The following GNLY variants were observed in gnomAD, a reference collection of about 807,000 sequenced individuals.
GNLY encodes the protein T-cell activation protein 519.
GNLY carries 15 observed loss-of-function variants against 18.5 expected under a neutral mutation model. That is an observed-to-expected ratio of 0.81 (90% CI 0.54 to 1.25). GNLY has a LOEUF of 1.25. Among genes scored for constraint, GNLY ranks in the 50% most tolerant of loss-of-function variants. The pLI is 0.00. For synonymous variants in GNLY, 77 were observed against 74.9 expected (o/e 1.03, Z -0.14); for missense variants, 178 against 186.9 (o/e 0.95, Z 0.28).
At position 85,694,719 on chromosome 2, in the gene GNLY, C is replaced by T. The variant is rs1485920733; in HGVS notation, c.52+249C>T. The T allele has an allele frequency of 4.9e-6, 7 of 1,435,404 alleles. No homozygotes were observed. The African/African-American group carries it at 5.7e-5, about 12-fold the overall frequency. 88.9% of individuals were successfully genotyped at this position (1,435,404 alleles called of 1,614,324 possible). ...TCTGGTCCTAACTCTACTGGCCACA[C>T]TGTGTGGCCTGAGACCCCCCTTTCC... On this transcript the variant is annotated intron_variant, in intron 1 of 4. Transcript: ENST00000263863.
chr2:85,694,558 G>T, intron 1 of GNLY, 88 bp downstream of exon 1: 1 of 1,339,754 alleles, frequency 7.5e-7, no homozygotes, highest in South Asian at 1.2e-5. Context: ...GACTCTGTGG[G>T]CACCCAGGTG....
Position 85,698,811 on chromosome 2 carries a change from T to G in GNLY, c.*237T>G, listed in dbSNP as rs1573497810. 1 of 1,476,994 alleles carries G rather than the reference T, an allele frequency of 6.8e-7. No homozygotes were observed. The highest frequency in any genetic ancestry group is 9.0e-7 in the Non-Finnish European group (1 of 1,115,182). 91.5% of individuals were successfully genotyped at this position (1,476,994 alleles called of 1,614,324 possible). On this transcript the variant is annotated 3_prime_UTR_variant, in exon 5 of 5. Transcript: ENST00000263863. ...GGTGGGTGTCAGTGGCATGCTGGGG[T>G]GAGCTGTGTAGTCCTTCAATAAATG...
chr2:85,695,488 T>A, intron 2 of GNLY, 65 bp downstream of exon 2: 2 of 935,332 alleles, frequency 2.1e-6, no homozygotes, highest in Non-Finnish European at 3.5e-6. Context: ...TGGTGGCTCC[T>A]GGGGTGAGGT....
At chr2:85,695,230 G>A (rs1240872958) in intron 1 of GNLY, 90 bp from the exon 2 acceptor site, 3 of 968,276 alleles carry the variant, frequency 3.1e-6, no homozygotes, top group Non-Finnish European at 4.9e-6. Flanking sequence ...CCTAGGCCCT[G>A]GTCACCTCCT....
At chr2:85,695,470 C>A in intron 2 of GNLY, 47 bp downstream of exon 2, 1 of 1,169,044 alleles carries the variant, frequency 8.6e-7, no homozygotes, top group South Asian at 1.2e-5. Flanking sequence ...TCTCCTTTCC[C>A]TCCTCCCTGG....
intron 4 of GNLY, 38 bp downstream of exon 4, chr2:85,697,715 G>T (rs780319815): frequency 1.4e-6 from 2 of 1,436,822 alleles, no homozygotes; most frequent in Non-Finnish European, 2.0e-6. Context: ...CCTCCTGAGG[G>T]TTGGAGACAG....
intron 3 of GNLY, chr2:85,696,303 A>G (rs1337403551): frequency 2.2e-6 from 1 of 457,142 alleles, no homozygotes; most frequent in African/African-American, 2.0e-5. Flanking sequence ...TGTATCCTCA[A>G]AGAGGGCTTG....
At chr2:85,698,319 A>G in intron 4 of GNLY, 5 of 706,172 alleles carry the variant, frequency 7.1e-6, no homozygotes, top group South Asian at 3.0e-5. Context: ...GCACTTGCCA[A>G]TGCTCTGGGA....
intron 1 of GNLY, chr2:85,694,733 A>G: frequency 7.0e-7 from 1 of 1,425,184 alleles, no homozygotes; most frequent in South Asian, 1.5e-5. Flanking sequence ...GTGGCCTGAG[A>G]CCCCCCTTTC....
intron 3 of GNLY, 23 bp from the exon 4 acceptor site, chr2:85,697,483 C>T: frequency 6.2e-7 from 1 of 1,608,252 alleles, no homozygotes; most frequent in Non-Finnish European, 8.5e-7. Context: ...ATAACCATGT[C>T]CACTGTGGTG....
At position 85,698,683 on chromosome 2, in the gene GNLY, C is replaced by G; in HGVS notation, c.*109C>G. 6.2e-7 allele frequency: 1 copy of G among 1,604,706 alleles called. No individual in the cohort carries two copies. Among genetic ancestry groups the G allele is most frequent in the Non-Finnish European group, 8.5e-7 (1 of 1,177,780 alleles). ...CTTCCTCGATCCAGAATCCACTCTC[C>G]AGTCTCCCTCCCCTGACTCCCTCTG... On this transcript the variant is annotated 3_prime_UTR_variant, in exon 5 of 5. Coordinates refer to ENST00000263863, the MANE Select transcript of GNLY (RefSeq NM_006433.5).
intron 4 of GNLY, 26 bp downstream of exon 4, chr2:85,697,703 T>C (rs752559719): frequency 6.5e-7 from 1 of 1,539,814 alleles, no homozygotes; most frequent in Non-Finnish European, 9.0e-7. Context: ...ACAGCAGGGA[T>C]ACCTCCTGAG....
chr2:85,694,827 G>C, intron 1 of GNLY: 1 of 1,507,008 alleles, frequency 6.6e-7, no homozygotes. Flanking sequence ...GGCCTACACT[G>C]TCTAGGATTG....
At position 85,695,006 on chromosome 2, in the gene GNLY, G is replaced by C. The variant is rs777857000; in HGVS notation, c.53-314G>C. 5.1e-6 allele frequency: 8 copies of C among 1,561,802 alleles called. No homozygotes were observed. In the African/African-American group the frequency reaches 1.0e-4, roughly 20 times the overall value. On this transcript the variant is annotated intron_variant, in intron 1 of 4. Coordinates refer to ENST00000263863, the MANE Select transcript of GNLY (RefSeq NM_006433.5). ...GCCATCTGGATGGAAGGTAAAAAAA[G>C]AAAATCCCTTGAAAGGAGATTGAGG... is the stretch of plus-strand genomic sequence containing the variant.
At chr2:85,696,346 C>T in intron 3 of GNLY, 3 of 350,774 alleles carry the variant, frequency 8.6e-6, no homozygotes, top group Non-Finnish European at 1.6e-5. Flanking sequence ...CCCCTAAAGC[C>T]CTAACATTTG....
chr2:85,695,477 C>T, intron 2 of GNLY, 54 bp downstream of exon 2: 1 of 1,057,758 alleles, frequency 9.5e-7, no homozygotes, highest in Non-Finnish European at 1.5e-6. Context: ...TCCCTCCTCC[C>T]TGGTGGCTCC....
chr2:85,698,785 G>A lies in GNLY; in HGVS notation c.*211G>A. 3 of 1,502,550 alleles carry A rather than the reference G, an allele frequency of 2.0e-6. No individual in the cohort carries two copies. The highest frequency in any genetic ancestry group is 2.7e-6 in the Non-Finnish European group (3 of 1,127,374). 93.1% of individuals were successfully genotyped at this position (1,502,550 alleles called of 1,614,324 possible). On this transcript the variant is annotated 3_prime_UTR_variant, in exon 5 of 5. Transcript: ENST00000263863. Reference sequence around the variant, plus strand: ...CTGCTTCTTCTTTGGTGGATTTGAGGGGTGGGTGTCAGTGGCATGCTGGGG... The same window carrying A: ...CTGCTTCTTCTTTGGTGGATTTGAGAGGTGGGTGTCAGTGGCATGCTGGGG...
Position 85,694,446 on chromosome 2 carries a change from G to C in GNLY, c.28G>C (p.Ala10Pro). Residue 10 changes from alanine to proline, a missense_variant, in exon 1 of 5, where the codon GCA (alanine) becomes CCA (proline). By Grantham distance (27) the Ala-to-Pro change is conservative. Coordinates refer to ENST00000263863, the MANE Select transcript of GNLY (RefSeq NM_006433.5). ...GGCTACCTGGGCCCTCCTGCTCCTT[G>C]CAGCCATGCTCCTGGGCAACCCAGG... The part of the protein sequence containing the change: MATWALLLL[A>P]AMLLGNPGLV... 1 of 1,614,096 alleles carries C rather than the reference G, an allele frequency of 6.2e-7. No homozygotes were observed. The highest frequency in any genetic ancestry group is 2.2e-5 in the East Asian group (1 of 44,882).
intron 1 of GNLY, chr2:85,695,075 G>T: frequency 7.6e-7 from 1 of 1,319,974 alleles, no homozygotes; most frequent in Non-Finnish European, 1.1e-6. Flanking sequence ...GTTGCTGGGG[G>T]AACAGAGGAG....
Sources: allele counts gnomAD v4.1 joint callset, GRCh38; gene constraint gnomAD v4.1.1; transcripts MANE v1.5; gene names NCBI Gene and HGNC (gene_info 2026-07-23, HGNC 2026-07-21).